Variants in UBXN7 observed in about 807,000 individuals in gnomAD.
The protein encoded by UBXN7 is UBX domain-containing protein 7.
Under a neutral mutation model 58.0 loss-of-function variants are expected in UBXN7, and 9 were observed. The ratio of observed to expected loss-of-function variants is 0.16; its 90% CI spans 0.09 to 0.27. UBXN7 has a LOEUF of 0.27. UBXN7 is among the 10% of genes least tolerant of loss of function. The pLI, the probability that UBXN7 is intolerant of heterozygous loss-of-function variation, is 1.00. For missense variants in UBXN7, 328 were observed against 599.6 expected (o/e 0.55, Z 4.73); for synonymous variants, 208 against 205.0 (o/e 1.01, Z -0.12).
Position 196,350,092 on chromosome 3 carries a change from A to G in UBXN7, c.*6593T>C, listed in dbSNP as rs771937042. 10 of 152,260 alleles carry G rather than the reference A, an allele frequency of 6.6e-5. No individual in the cohort carries two copies. The highest frequency in any genetic ancestry group is 2.1e-4 in the South Asian group (1 of 4,838). The allele number at this position is 152,260 out of a possible 1,614,324, so 9.4% of individuals were successfully genotyped here. A position where few individuals can be genotyped will look rare whatever the true frequency, so the allele number is the denominator to read the frequency against. ...TGTGATTGCTCTTGGGAAAAATACT[A>G]TCATTGGTATTTGCCATCTCTAATC... On this transcript the variant is annotated 3_prime_UTR_variant, in exon 11 of 11. Transcript: ENST00000296328.
intron 1 of UBXN7, among the ~76,000 whole-genome samples, chr3:196,428,179 T>A (rs973063105): frequency 6.6e-6 from 1 of 151,786 alleles, no homozygotes; most frequent in African/African-American, 2.4e-5. Flanking sequence ...TAAACCATAC[T>A]GTATACAGCT....
At chr3:196,423,226 CG>C (rs1730743233) in intron 1 of UBXN7, 1 of 153,198 alleles carries the variant, frequency 6.5e-6, no homozygotes, top group African/African-American at 2.4e-5. Flanking sequence ...CTGGGGAGGG[CG>C]GAAGGCCAGG....
intron 5 of UBXN7, 125 bp from the exon 6 acceptor site, chr3:196,372,167 G>T: frequency 9.7e-7 from 1 of 1,034,396 alleles, no homozygotes. Flanking sequence ...ACGACATCTA[G>T]AGTTTTCAGC....
At chr3:196,428,439 C>T (rs912691928) in intron 1 of UBXN7, among the ~76,000 whole-genome samples, 8 of 113,232 alleles carry the variant, frequency 7.1e-5, no homozygotes, top group East Asian at 5.3e-4. Flanking sequence ...GGTGACAGAA[C>T]AAGACCGTCT....
Position 196,393,648 on chromosome 3 carries a change from T to A in UBXN7, c.290-29A>T, listed in dbSNP as rs183847508. ...TGGGGAGAAAAAATAGAATTGAAAA[T>A]TTTTTAAATTAATTTTGAAACAATT... On this transcript the variant is annotated intron_variant, in intron 3 of 10. Coordinates refer to ENST00000296328, the MANE Select transcript of UBXN7 (RefSeq NM_015562.2). The A allele has an allele frequency of 5.1e-3, 8,044 of 1,584,090 alleles. 303 individuals carry two copies. The South Asian group carries it at 0.069, about 14-fold the overall frequency.
At chr3:196,389,796 A>G (rs2108844375) in intron 5 of UBXN7, among the ~76,000 whole-genome samples, 1 of 152,342 alleles carries the variant, frequency 6.6e-6, no homozygotes, top group South Asian at 2.1e-4. Flanking sequence ...AAGCAAACTA[A>G]CACACAAGCT....
At chr3:196,377,450 T>C (rs1199367651) in intron 5 of UBXN7, among the ~76,000 whole-genome samples, 3 of 152,196 alleles carry the variant, frequency 2.0e-5, no homozygotes, top group Non-Finnish European at 4.4e-5. Flanking sequence ...CCTAATACAG[T>C]CCTTTCTCTT....
At chr3:196,383,973 G>A (rs952554988) in intron 5 of UBXN7, among the ~76,000 whole-genome samples, 2 of 152,154 alleles carry the variant, frequency 1.3e-5, no homozygotes, top group African/African-American at 4.8e-5. Flanking sequence ...AGGAGATAGA[G>A]ACATAAAAAA....
At chr3:196,375,477 A>G (rs1264588115) in intron 5 of UBXN7, among the ~76,000 whole-genome samples, 2 of 152,136 alleles carry the variant, frequency 1.3e-5, no homozygotes, top group Non-Finnish European at 2.9e-5. Flanking sequence ...AATTGAATAT[A>G]TGCAATTTAA....
intron 1 of UBXN7, among the ~76,000 whole-genome samples, chr3:196,415,171 T>G (rs1730442569): frequency 6.7e-6 from 1 of 150,188 alleles, no homozygotes; most frequent in East Asian, 2.0e-4. Flanking sequence ...TTTTTTTTTT[T>G]GAGACAGAGT....
intron 3 of UBXN7, among the ~76,000 whole-genome samples, chr3:196,398,678 G>A (rs1018962594): frequency 5.9e-5 from 9 of 152,154 alleles, no homozygotes; most frequent in Non-Finnish European, 1.2e-4. Flanking sequence ...GTCATCAGTA[G>A]GCTGAAGTGC....
At chr3:196,428,531 A>C (rs1186869765) in intron 1 of UBXN7, among the ~76,000 whole-genome samples, 3 of 152,202 alleles carry the variant, frequency 2.0e-5, no homozygotes, top group African/African-American at 7.2e-5. Context: ...ATAAACAAGA[A>C]GTGGAAGATA....
intron 1 of UBXN7, among the ~76,000 whole-genome samples, chr3:196,420,651 AC>A (rs929927695): frequency 6.6e-5 from 10 of 152,188 alleles, no homozygotes; most frequent in Middle Eastern, 3.4e-3. Flanking sequence ...CAGGAGTCCT[AC>A]TTTGTTTCTC....
chr3:196,425,139 C>A (rs1730807551), intron 1 of UBXN7, among the ~76,000 whole-genome samples: 2 of 152,172 alleles, frequency 1.3e-5, no homozygotes, highest in Admixed American at 1.3e-4. Flanking sequence ...CTGAGCTAAC[C>A]ATCTTCTCCC....
chr3:196,372,119 T>G (rs1728851018), intron 5 of UBXN7, 77 bp from the exon 6 acceptor site: 1 of 1,473,958 alleles, frequency 6.8e-7, no homozygotes, highest in African/African-American at 1.4e-5. Flanking sequence ...GTTCAGAGGT[T>G]GTTGTCTTTC....
At chr3:196,421,416 C>T (rs1381736560) in intron 1 of UBXN7, among the ~76,000 whole-genome samples, 2 of 152,114 alleles carry the variant, frequency 1.3e-5, no homozygotes, top group African/African-American at 4.8e-5. Flanking sequence ...ACGTTTACAG[C>T]AATTTGAGAG....
intron 2 of UBXN7, among the ~76,000 whole-genome samples, chr3:196,406,063 C>T (rs56737257): frequency 0.02 from 3,025 of 151,734 alleles, 130 homozygotes; most frequent in African/African-American, 0.07. Context: ...GGAGGCCTCA[C>T]TCTGTGTCAT....
At chr3:196,367,000 A>C (rs1392829884) in intron 8 of UBXN7, among the ~76,000 whole-genome samples, 1 of 152,060 alleles carries the variant, frequency 6.6e-6, no homozygotes, top group Non-Finnish European at 1.5e-5. Context: ...CTGCCCAACA[A>C]GGCGAAACCC....
At chr3:196,401,653 G>A (rs961759070) in intron 3 of UBXN7, among the ~76,000 whole-genome samples, 2 of 150,892 alleles carry the variant, frequency 1.3e-5, no homozygotes, top group African/African-American at 4.9e-5. Context: ...TATAAGCCAG[G>A]CGTGGTGGCT....
Sources: allele counts gnomAD v4.1 joint callset (sites outside exome capture counted in the v4.1 genomes callset), GRCh38; gene constraint gnomAD v4.1.1; transcripts MANE v1.5; gene names NCBI Gene and HGNC (gene_info 2026-07-23, HGNC 2026-07-21).